The following GABRG3 variants were observed in gnomAD, a reference collection of about 807,000 sequenced individuals.
The protein encoded by GABRG3 is gamma-aminobutyric acid receptor subunit gamma-3.
A neutral mutation model predicts 48.8 loss-of-function variants in GABRG3; 25 were observed. That is an observed-to-expected ratio of 0.51 (90% confidence interval 0.37 to 0.72). The LOEUF is 0.72. Among genes scored for constraint, GABRG3 ranks in the 30% least tolerant of loss-of-function variants. The pLI is 0.00. For missense variants in GABRG3, 394 were observed against 577.9 expected (o/e 0.68, Z 3.26); for synonymous variants, 227 against 217.6 (o/e 1.04, Z -0.38).
chr15:27,275,867 C>T (rs981053804), intron 3 of GABRG3, among the ~76,000 whole-genome samples: 10 of 152,234 alleles, frequency 6.6e-5, no homozygotes, highest in African/African-American at 1.7e-4. Flanking sequence ...ATGGTGAGAG[C>T]AAATGACAAT....
intron 3 of GABRG3, among the ~76,000 whole-genome samples, chr15:27,168,835 G>GT (rs139632580): frequency 0.028 from 4,329 of 152,276 alleles, 215 homozygotes; most frequent in African/African-American, 0.098. Flanking sequence ...TTGTTTGTAA[G>GT]TTGCCCAGTC....
intron 3 of GABRG3, among the ~76,000 whole-genome samples, chr15:27,231,747 A>G (rs900593048): frequency 6.6e-6 from 1 of 152,174 alleles, no homozygotes. Flanking sequence ...TGATATTGTA[A>G]CACTTTTAGG....
At position 27,237,376 on chromosome 15, in the gene GABRG3, A is replaced by G. The variant is rs568518313; in HGVS notation, c.271-89433A>G. Among the ~76,000 whole-genome samples the G allele has an allele frequency of 5.9e-5, 9 of 152,332 alleles. No individual in the cohort carries two copies. The East Asian group carries it at 1.7e-3, about 29-fold the overall frequency. On this transcript the variant is annotated intron_variant, in intron 3 of 9. Transcript: ENST00000615808. ...TGCAAACTAGAACAGATGGGAAATC[A>G]TCCTTCATGTTTTTCCAAGACTTTT...
At chr15:27,460,542 T>TA (rs987472659) in intron 5 of GABRG3, among the ~76,000 whole-genome samples, 1 of 152,196 alleles carries the variant, frequency 6.6e-6, no homozygotes, top group African/African-American at 2.4e-5. Context: ...AAACAGAAGT[T>TA]ACAGGCAAAA....
At chr15:27,343,367 G>C (rs1048441869) in intron 5 of GABRG3, among the ~76,000 whole-genome samples, 1 of 152,236 alleles carries the variant, frequency 6.6e-6, no homozygotes, top group East Asian at 1.9e-4. Flanking sequence ...ATCTGGAAGT[G>C]AAATAGTTTC....
chr15:27,459,346 GA>G (rs1237885779), intron 5 of GABRG3, among the ~76,000 whole-genome samples: 1 of 152,154 alleles, frequency 6.6e-6, no homozygotes, highest in Non-Finnish European at 1.5e-5. Context: ...GACAATTCAG[GA>G]GTTTTCCAAA....
intron 2 of GABRG3, among the ~76,000 whole-genome samples, chr15:26,981,086 T>TA (rs532131321): frequency 6.5e-4 from 99 of 152,250 alleles, no homozygotes; most frequent in African/African-American, 2.2e-3. Context: ...AAAAGTTTTT[T>TA]AAAAAAACAA....
At chr15:27,469,324 G>A (rs12437745) in intron 5 of GABRG3, among the ~76,000 whole-genome samples, 1 of 151,926 alleles carries the variant, frequency 6.6e-6, no homozygotes, top group African/African-American at 2.4e-5. Flanking sequence ...CTTCTCTCAA[G>A]TCTCTCTTCT....
intron 3 of GABRG3, among the ~76,000 whole-genome samples, chr15:27,203,995 G>T (rs529517600): frequency 6.6e-6 from 1 of 152,106 alleles, no homozygotes; most frequent in South Asian, 2.1e-4. Flanking sequence ...CTCCCATTAT[G>T]TAGGTTGTCT....
intron 5 of GABRG3, among the ~76,000 whole-genome samples, chr15:27,403,929 C>CAAA (rs758952317): frequency 2.4e-5 from 2 of 83,350 alleles, no homozygotes; most frequent in Non-Finnish European, 4.4e-5. Context: ...AAAAAAAAAA[C>CAAA]AAAAAAAAAA....
intron 3 of GABRG3, among the ~76,000 whole-genome samples, chr15:27,096,256 G>A (rs1240877889): frequency 6.6e-6 from 1 of 152,214 alleles, no homozygotes; most frequent in African/African-American, 2.4e-5. Flanking sequence ...GCTCAGCGCT[G>A]CTGAGGATTC....
chr15:27,307,079 T>G (rs1269106182), intron 3 of GABRG3, among the ~76,000 whole-genome samples: 2 of 127,902 alleles, frequency 1.6e-5, no homozygotes, highest in Non-Finnish European at 1.6e-5. Flanking sequence ...TATAAACATG[T>G]TTATATATAA....
rs751777104 is a variant in GABRG3, at chr15:27,480,631, G to T, written c.575-19G>T. 1.3e-6 allele frequency: 2 copies of T among 1,595,272 alleles called. No homozygotes were observed. The highest frequency in any genetic ancestry group is 2.2e-5 in the East Asian group (1 of 44,592). ...TAAATGTGTACCTTCAAGTGCTAAT[G>T]TTTGCTCTGTGTTTTTAGATGGCTA... On this transcript the variant is annotated intron_variant, in intron 5 of 9. Coordinates refer to ENST00000615808, the MANE Select transcript of GABRG3 (RefSeq NM_033223.5).
At chr15:27,025,085 A>AGTGT (rs143739884) in intron 2 of GABRG3, among the ~76,000 whole-genome samples, 20 of 146,968 alleles carry the variant, frequency 1.4e-4, no homozygotes, top group South Asian at 4.4e-4. Context: ...GCATTTTGTG[A>AGTGT]GTGTGTGTGT....
chr15:27,235,696 C>T (rs1889937188), intron 3 of GABRG3, among the ~76,000 whole-genome samples: 1 of 152,080 alleles, frequency 6.6e-6, no homozygotes, highest in African/African-American at 2.4e-5. Context: ...TATACATGGG[C>T]AATAAACCAG....
intron 5 of GABRG3, among the ~76,000 whole-genome samples, chr15:27,351,606 G>T (rs1277286670): frequency 6.7e-6 from 1 of 149,040 alleles, no homozygotes; most frequent in Non-Finnish European, 1.5e-5. Flanking sequence ...GTTTGTGTGT[G>T]TATGGTATGT....
In GABRG3 at chr15:27,457,114, G is replaced by A. The variant is rs954983542; in HGVS notation, c.575-23536G>A. Among the ~76,000 whole-genome samples, 1 of 152,182 alleles carries A rather than the reference G, an allele frequency of 6.6e-6. No individual in the cohort carries two copies. The highest frequency in any genetic ancestry group is 1.5e-5 in the Non-Finnish European group (1 of 68,038). ...TTCTCCAGCAGCTTGACACCAACAC[G>A]GTGGGTGTGAGTGGAGGGTGGGGAG... On this transcript the variant is annotated intron_variant, in intron 5 of 9. Coordinates refer to ENST00000615808, the MANE Select transcript of GABRG3 (RefSeq NM_033223.5). This position sits in a 1 kb window ranked among gnomAD's most constrained non-coding sequence, Gnocchi z 4.4.
In GABRG3 at chr15:27,216,548, C is replaced by T. The variant is rs114978586; in HGVS notation, c.271-110261C>T. Among the ~76,000 whole-genome samples, 240 of 152,216 alleles carry T rather than the reference C, an allele frequency of 1.6e-3. 2 individuals are homozygous for T. Among genetic ancestry groups the T allele is most frequent in the African/African-American group, 5.6e-3 (233 of 41,536 alleles). ...CTCAGCTTATTCTGACATTTACCTC[C>T]ATCCGTGTGTTTTTAAGGCAAATCC... On this transcript the variant is annotated intron_variant, in intron 3 of 9. Coordinates refer to ENST00000615808, the MANE Select transcript of GABRG3 (RefSeq NM_033223.5).
chr15:27,308,850 A>C (rs1892875441), intron 3 of GABRG3, among the ~76,000 whole-genome samples: 1 of 150,298 alleles, frequency 6.7e-6, no homozygotes, highest in African/African-American at 2.4e-5. Flanking sequence ...AAAACACAGA[A>C]TGTAAACATA....
Sources: allele counts gnomAD v4.1 joint callset (sites outside exome capture counted in the v4.1 genomes callset), GRCh38; gene constraint gnomAD v4.1.1; non-coding constraint Gnocchi (gnomAD v3.1); transcripts MANE v1.5; gene names NCBI Gene and HGNC (gene_info 2026-07-23, HGNC 2026-07-21).